Variants in ZFR observed in about 807,000 individuals in gnomAD.
ZFR encodes zinc finger RNA binding protein.
Under a neutral mutation model 130.7 loss-of-function variants are expected in ZFR, and 19 were observed. The ratio of observed to expected loss-of-function variants is 0.15; its 90% CI spans 0.10 to 0.21. ZFR has a LOEUF of 0.21. ZFR is among the 10% of genes least tolerant of loss of function. The probability of loss-of-function intolerance (pLI) is 1.00; values close to 1 mark genes in which losing one functional copy is unlikely to be tolerated. For missense variants in ZFR, 872 were observed against 1,321.5 expected (o/e 0.66, Z 5.27); for synonymous variants, 466 against 456.9 (o/e 1.02, Z -0.25).
chr5:32,415,526 G>GCGCA, intron 4 of ZFR, among the ~76,000 whole-genome samples: 1 of 151,310 alleles, frequency 6.6e-6, no homozygotes, highest in African/African-American at 2.4e-5. Flanking sequence ...GCGCGCGCGC[G>GCGCA]CGCGCGCACT....
chr5:32,357,710 G>A (rs1752344756), intron 19 of ZFR, among the ~76,000 whole-genome samples: 1 of 152,158 alleles, frequency 6.6e-6, no homozygotes, highest in South Asian at 2.1e-4. Flanking sequence ...TCTTGCCTAT[G>A]TAAAAATTAT....
At chr5:32,380,689 C>CT (rs1378392143) in intron 15 of ZFR, among the ~76,000 whole-genome samples, 137 of 126,736 alleles carry the variant, frequency 1.1e-3, no homozygotes, top group African/African-American at 4.0e-3. Context: ...GAGTGTCACT[C>CT]TGTCCCCCAG....
intron 17 of ZFR, among the ~76,000 whole-genome samples, chr5:32,377,900 C>T (rs550792206): frequency 6.6e-6 from 1 of 151,934 alleles, no homozygotes; most frequent in East Asian, 2.0e-4. Context: ...CTATGTTGGC[C>T]AGGCTGGTCT....
Position 32,390,194 on chromosome 5 carries a change from A to G in ZFR, c.2142+81T>C, listed in dbSNP as rs375322173. The G allele has an allele frequency of 4.4e-4, 669 of 1,506,460 alleles. 9 individuals carry two copies. In the South Asian group the frequency reaches 6.9e-3, roughly 16 times the overall value. The allele number at this position is 1,506,460 out of a possible 1,614,324, so 93.3% of individuals were successfully genotyped here. ...GATTACAAGATTATTAAGTCTAAAC[A>G]TTAGCCCCTCCAAAATTGTTTTCTT... is the stretch of plus-strand genomic sequence containing the variant. On this transcript the variant is annotated intron_variant, in intron 12 of 19. Coordinates refer to ENST00000265069, the MANE Select transcript of ZFR (RefSeq NM_016107.5).
At chr5:32,402,017 G>A (rs1581698752) in intron 8 of ZFR, among the ~76,000 whole-genome samples, 1 of 152,088 alleles carries the variant, frequency 6.6e-6, no homozygotes, top group Non-Finnish European at 1.5e-5. Context: ...CACATTGGGA[G>A]GCATCCACAC....
At chr5:32,361,402 A>G (rs1752427659) in intron 19 of ZFR, among the ~76,000 whole-genome samples, 2 of 152,190 alleles carry the variant, frequency 1.3e-5, no homozygotes, top group South Asian at 4.1e-4. Context: ...CACTTAAGTT[A>G]TAAGACTGTT....
chr5:32,440,023 G>A (rs749016286), intron 2 of ZFR, among the ~76,000 whole-genome samples: 1 of 152,040 alleles, frequency 6.6e-6, no homozygotes, highest in Non-Finnish European at 1.5e-5. Context: ...AAACTATTAG[G>A]AAGTTTTTTC....
chr5:32,424,488 G>C (rs940361731), intron 2 of ZFR, among the ~76,000 whole-genome samples: 1 of 150,446 alleles, frequency 6.6e-6, no homozygotes, highest in African/African-American at 2.5e-5. Context: ...CCGAGATCGC[G>C]CGCCACTGCA....
chr5:32,416,385 C>T (rs1468716133), intron 4 of ZFR, among the ~76,000 whole-genome samples: 3 of 152,064 alleles, frequency 2.0e-5, no homozygotes, highest in Non-Finnish European at 2.9e-5. Flanking sequence ...GAGGCCGAAG[C>T]GGGCAGATCA....
At position 32,404,051 on chromosome 5, in the gene ZFR, G is replaced by A; in HGVS notation, c.1079C>T (p.Ala360Val). ...GGTATTTTGTGAGGCTTTCAATGCA[G>A]CTTCTTTTTTTTTATGTTTCTGTCC... The part of the protein sequence containing the change: ...LEGQKHKKKE[A>V]ALKASQNTSS... The change falls in exon 7 of 20, where the codon GCT becomes GTT. Residue 360 changes from alanine (A) to valine (V), a missense_variant. Physicochemically the swap from Ala to Val is moderately conservative, Grantham distance 64 (BLOSUM62 0). Transcript: ENST00000265069. The A allele has an allele frequency of 6.2e-7, 1 of 1,612,418 alleles. No homozygotes were observed. The highest frequency in any genetic ancestry group is 1.1e-5 in the South Asian group (1 of 90,702).
intron 7 of ZFR, 66 bp downstream of exon 7, chr5:32,403,840 C>A: frequency 1.4e-6 from 2 of 1,448,332 alleles, no homozygotes; most frequent in South Asian, 1.6e-5. Flanking sequence ...CTTTACCTAA[C>A]CCCCTTTGAA....
intron 4 of ZFR, among the ~76,000 whole-genome samples, chr5:32,416,126 G>GT (rs1753821171): frequency 6.6e-6 from 1 of 152,000 alleles, no homozygotes; most frequent in African/African-American, 2.4e-5. Context: ...TTTGATCCAT[G>GT]TAACACAAAA....
In ZFR at chr5:32,420,711, G is replaced by A. The variant is rs113133642; in HGVS notation, c.138-608C>T. On this transcript the variant is annotated intron_variant, in intron 2 of 19. Transcript: ENST00000265069. Reference sequence around the variant, plus strand: ...AACTGCAGAGGAGGTGGTGATATGTGAGCTACTGGCATCCAGTGGATAGAG... The same window carrying A: ...AACTGCAGAGGAGGTGGTGATATGTAAGCTACTGGCATCCAGTGGATAGAG... Among the ~76,000 whole-genome samples, 1,059 of 152,304 alleles carry A rather than the reference G, an allele frequency of 7.0e-3. 11 individuals are homozygous for A. The highest frequency in any genetic ancestry group is 0.024 in the African/African-American group (1,012 of 41,560).
chr5:32,408,192 A>T (rs183297448), intron 5 of ZFR, among the ~76,000 whole-genome samples: 271 of 152,162 alleles, frequency 1.8e-3, no homozygotes, highest in African/African-American at 6.4e-3. Flanking sequence ...TGTTTAAAGG[A>T]TACTGCAATT....
chr5:32,363,862 C>T (rs1214812144), intron 19 of ZFR, 86 bp downstream of exon 19: 1 of 1,114,946 alleles, frequency 9.0e-7, no homozygotes. Context: ...TATATAGTGA[C>T]TTATAATATT....
chr5:32,363,951 T>C lies in ZFR; in HGVS notation c.3042A>G (p.Ala1014=). ...CTGAATTTAGGAATACCAGTACCTG[T>C]GCACTGGATGTGATGTCTTCACGCT... ...DQQREDITSS[A]QFALRLLAFR... Residue 1014 remains alanine (A), a synonymous_variant, in exon 19 of 20, where the codon GCA becomes GCG. Coordinates refer to ENST00000265069, the MANE Select transcript of ZFR (RefSeq NM_016107.5). 1 of 1,612,702 alleles carries C rather than the reference T, an allele frequency of 6.2e-7. No homozygotes were observed. Among genetic ancestry groups the C allele is most frequent in the Non-Finnish European group, 8.5e-7 (1 of 1,178,808 alleles).
chr5:32,431,865 G>A (rs1340769187), intron 2 of ZFR, among the ~76,000 whole-genome samples: 4 of 151,942 alleles, frequency 2.6e-5, no homozygotes, highest in Non-Finnish European at 4.4e-5. Context: ...AACCCAACAG[G>A]GTTTACTGTT....
chr5:32,444,488 T>TCC (rs1754559512), intron 1 of ZFR, 134 bp downstream of exon 1: 1 of 1,275,778 alleles, frequency 7.8e-7, no homozygotes, highest in Admixed American at 4.0e-5. Flanking sequence ...CGCCTCGCAC[T>TCC]CCCTCACTCA....
chr5:32,393,991 T>G (rs539837457), intron 11 of ZFR, among the ~76,000 whole-genome samples: 2 of 152,150 alleles, frequency 1.3e-5, no homozygotes, highest in Non-Finnish European at 1.5e-5. Flanking sequence ...GGATTGGTTA[T>G]GAAGAAAATT....
Sources: allele counts gnomAD v4.1 joint callset (sites outside exome capture counted in the v4.1 genomes callset), GRCh38; gene constraint gnomAD v4.1.1; transcripts MANE v1.5; gene names NCBI Gene and HGNC (gene_info 2026-07-23, HGNC 2026-07-21).